Variants in FRYL observed in about 807,000 individuals in gnomAD.
The protein encoded by FRYL is protein furry homolog-like.
FRYL carries 150 observed loss-of-function variants against 351.2 expected under a neutral mutation model. That is an observed-to-expected ratio of 0.43 (90% CI 0.37 to 0.49). The LOEUF is 0.49. Ranked by LOEUF, FRYL falls within the 20% of genes least tolerant of loss-of-function variation. FRYL has a pLI of 0.00. For missense variants in FRYL, 3,036 were observed against 3,619.3 expected, an observed-to-expected ratio of 0.84 and a Z score of 4.13; for synonymous variants, 1,153 against 1,257.1, an observed-to-expected ratio of 0.92 and a Z score of 1.75.
At chr4:48,731,418 G>T (rs1338350502) in intron 1 of FRYL, among the ~76,000 whole-genome samples, 1 of 152,126 alleles carries the variant, frequency 6.6e-6, no homozygotes, top group African/African-American at 2.4e-5. Context: ...TTTCTTCACA[G>T]AATTGGAAAA....
chr4:48,683,419 T>TAA lies in FRYL; in HGVS notation c.-81+1252_-81+1253dup, dbSNP rs76907554. Among the ~76,000 whole-genome samples, 228 of 137,572 alleles carry TAA rather than the reference T, an allele frequency of 1.7e-3. 2 individuals are homozygous for TAA. The highest frequency in any genetic ancestry group is 3.0e-3 in the Non-Finnish European group (188 of 63,044). 90.3% of individuals were successfully genotyped at this position (137,572 alleles called of 152,430 possible). On this transcript the variant is annotated intron_variant, in intron 3 of 63. Coordinates refer to ENST00000358350, the MANE Select transcript of FRYL (RefSeq NM_015030.2). ...TGTATCCCAGAACTTAAAGTATAAT[T>TAA]AAAAAAAAAAAAAAGAAAAATGGGT...
chr4:48,651,332 TGTGTGTGTA>T, intron 3 of FRYL, among the ~76,000 whole-genome samples: 1 of 116,010 alleles, frequency 8.6e-6, no homozygotes, highest in Non-Finnish European at 1.9e-5. Flanking sequence ...TGTGTGTGTG[TGTGTGTGTA>T]GTGGTAGAAA....
At chr4:48,713,047 C>T (rs1194702085) in intron 1 of FRYL, among the ~76,000 whole-genome samples, 2 of 151,920 alleles carry the variant, frequency 1.3e-5, no homozygotes, top group Non-Finnish European at 2.9e-5. Flanking sequence ...TCTGTCACCA[C>T]CAGGCCTGCC....
chr4:48,582,012 A>G lies in FRYL; in HGVS notation c.1987-407T>C, dbSNP rs1357242864. Among the ~76,000 whole-genome samples, 8 of 152,168 alleles carry G rather than the reference A, an allele frequency of 5.3e-5. 1 individual carries two copies. The highest frequency in any genetic ancestry group is 5.2e-4 in the Admixed American group (8 of 15,276). ...GCCCTGTTGATTTGCATGCTCATTA[A>G]AGGTTGAGAAGCTAGGGTGGCTTCA... is the stretch of plus-strand genomic sequence containing the variant. On this transcript the variant is annotated intron_variant, in intron 20 of 63. Transcript: ENST00000358350.
rs540980885 is a variant in FRYL, at chr4:48,541,262, C to T, written c.5688-302G>A. On this transcript the variant is annotated intron_variant, in intron 45 of 63. Transcript: ENST00000358350. ...CTGAGATTTAGGCATACATTATGTC[C>T]AAAGCTGACTTCATTTGTCTTGTCC... Among the ~76,000 whole-genome samples the T allele has an allele frequency of 3.7e-4, 56 of 152,274 alleles. 1 individual carries two copies. In the South Asian group the frequency reaches 9.9e-3, roughly 27 times the overall value.
chr4:48,570,093 C>T (rs570163516), intron 27 of FRYL, among the ~76,000 whole-genome samples: 2 of 152,224 alleles, frequency 1.3e-5, no homozygotes, highest in Admixed American at 1.3e-4. Flanking sequence ...GGATTACAGG[C>T]GTGAGCCACT....
chr4:48,600,816 A>C (rs1400180151), intron 13 of FRYL, among the ~76,000 whole-genome samples: 1 of 152,192 alleles, frequency 6.6e-6, no homozygotes, highest in Non-Finnish European at 1.5e-5. Flanking sequence ...AATGTAATTA[A>C]TTAAATAAAA....
At chr4:48,598,992 G>C in intron 13 of FRYL, 1 of 266,168 alleles carries the variant, frequency 3.8e-6, no homozygotes, top group Non-Finnish European at 5.8e-6. Flanking sequence ...GAAGAAATTT[G>C]AAATGTCCAA....
Position 48,562,923 on chromosome 4 carries a change from C to T in FRYL, c.3662G>A (p.Arg1221Lys), listed in dbSNP as rs1234467159. 1.2e-6 allele frequency: 2 copies of T among 1,607,868 alleles called. No individual in the cohort carries two copies. Among genetic ancestry groups the T allele is most frequent in the East Asian group, 2.2e-5 (1 of 44,744 alleles). ...TTGCATAGCAACTTCATAGATACTT[C>T]TAGAAGAATCAGCTGCTTTAAACAG... is the stretch of plus-strand genomic sequence containing the variant. ...LILFKAADSS[R>K]SIYEVAMQLL... Residue 1221 changes from arginine (R) to lysine (K), a missense_variant, in exon 32 of 64, where the codon AGA becomes AAA. By Grantham distance (26) the Arg-to-Lys change is conservative. Coordinates refer to ENST00000358350, the MANE Select transcript of FRYL (RefSeq NM_015030.2).
At chr4:48,582,793 T>C in intron 19 of FRYL, 59 bp from the exon 20 acceptor site, 1 of 1,135,152 alleles carries the variant, frequency 8.8e-7, no homozygotes, top group South Asian at 1.3e-5. Flanking sequence ...TTTTATCATC[T>C]GAAACTTAAA....
chr4:48,572,298 C>T (rs1454278875), intron 26 of FRYL, among the ~76,000 whole-genome samples: 1 of 152,196 alleles, frequency 6.6e-6, no homozygotes, highest in African/African-American at 2.4e-5. Context: ...CCAGGTAACT[C>T]TCAGATGCCA....
intron 1 of FRYL, among the ~76,000 whole-genome samples, chr4:48,712,515 A>AG (rs1189225675): frequency 1.3e-5 from 2 of 152,220 alleles, no homozygotes; most frequent in African/African-American, 4.8e-5. Flanking sequence ...GGAAGTTTAG[A>AG]GAAAAAAGAA....
chr4:48,743,801 G>A (rs1330526471), intron 1 of FRYL, among the ~76,000 whole-genome samples: 2 of 152,208 alleles, frequency 1.3e-5, no homozygotes, highest in Admixed American at 6.5e-5. Flanking sequence ...GACCTTTTCA[G>A]AAGGGGGAAT....
At chr4:48,547,951 G>A (rs1731735997) in intron 40 of FRYL, among the ~76,000 whole-genome samples, 182 bp from the exon 41 acceptor site, 1 of 151,988 alleles carries the variant, frequency 6.6e-6, no homozygotes, top group South Asian at 2.1e-4. Flanking sequence ...CTGTCTTATA[G>A]TACTAGGGAG....
At position 48,726,123 on chromosome 4, in the gene FRYL, C is replaced by A. The variant is rs146841165; in HGVS notation, c.-383-15425G>T. On this transcript the variant is annotated intron_variant, in intron 1 of 63. Transcript: ENST00000358350. ...TACTTGCTTTTCTAAGATATAAGTT[C>A]TTTTTGTGGGGGTAGGTGGTGAGGT... Among the ~76,000 whole-genome samples, 1,228 of 152,222 alleles carry A rather than the reference C, an allele frequency of 8.1e-3. 16 individuals are homozygous for A. The highest frequency in any genetic ancestry group is 0.028 in the African/African-American group (1,167 of 41,542).
chr4:48,694,959 G>A (rs1223801403), intron 2 of FRYL, among the ~76,000 whole-genome samples: 1 of 152,124 alleles, frequency 6.6e-6, no homozygotes, highest in East Asian at 1.9e-4. Context: ...TGTAGTCCCA[G>A]GCTAAGGTGA....
intron 3 of FRYL, among the ~76,000 whole-genome samples, chr4:48,673,122 T>C (rs929001503): frequency 2.4e-4 from 36 of 152,218 alleles, no homozygotes; most frequent in Non-Finnish European, 4.9e-4. Flanking sequence ...ATTAACACTT[T>C]GTAATGAAAT....
intron 1 of FRYL, among the ~76,000 whole-genome samples, chr4:48,726,303 T>C (rs2149616953): frequency 6.6e-6 from 1 of 152,348 alleles, no homozygotes; most frequent in Admixed American, 6.5e-5. Flanking sequence ...ATGAAGAATT[T>C]TACTTTCCTT....
chr4:48,612,155 C>G (rs1051443660), intron 7 of FRYL, among the ~76,000 whole-genome samples: 2 of 151,930 alleles, frequency 1.3e-5, no homozygotes, highest in African/African-American at 4.8e-5. Context: ...AAGCCCAAAC[C>G]TTTTTCCTTT....
Sources: allele counts gnomAD v4.1 joint callset (sites outside exome capture counted in the v4.1 genomes callset), GRCh38; gene constraint gnomAD v4.1.1; transcripts MANE v1.5; gene names NCBI Gene and HGNC (gene_info 2026-07-23, HGNC 2026-07-21).